The following ZNF726 variants were observed in gnomAD, a reference collection of about 807,000 sequenced individuals.
The protein encoded by ZNF726 is zinc finger protein 92 pseudogene 3.
A neutral mutation model predicts 11.6 loss-of-function variants in ZNF726; 15 were observed. The ratio of observed to expected loss-of-function variants is 1.29; its 90% CI spans 0.86 to 1.99. The LOEUF (loss-of-function observed/expected upper bound fraction) is 1.99, where lower values mean the gene tolerates loss of function less well. Ranked by LOEUF, ZNF726 falls within the 30% of genes most tolerant of loss-of-function variation. ZNF726 has a pLI of 0.00. For missense variants in ZNF726, 890 were observed against 725.6 expected (o/e 1.23, Z -2.60); for synonymous variants, 295 against 243.6 (o/e 1.21, Z -1.96).
chr19:23,914,966 C>A lies in ZNF726; in HGVS notation c.-29C>A. ...CTTTTAGGGGCGCAGCCTCTGTGGC[C>A]CTGTGACCTGCCCCCTGGAAGCCTA... On this transcript the variant is annotated 5_prime_UTR_variant, in exon 1 of 4. Transcript: ENST00000594466. The A allele has an allele frequency of 1.9e-6, 3 of 1,613,552 alleles. No homozygotes were observed. The highest frequency in any genetic ancestry group is 2.5e-6 in the Non-Finnish European group (3 of 1,179,990).
intron 1 of ZNF726, 100 bp downstream of exon 1, chr19:23,915,097 T>C (rs1422788423): frequency 3.8e-6 from 6 of 1,570,546 alleles, no homozygotes; most frequent in Non-Finnish European, 5.2e-6. Context: ...GCTGTCAGTT[T>C]TACAATCTGC....
downstream of ZNF726, among the ~76,000 whole-genome samples, chr19:23,937,115 G>T (rs916089590): frequency 2.0e-5 from 3 of 150,450 alleles, no homozygotes; most frequent in Non-Finnish European, 3.0e-5. Flanking sequence ...CTCCCGGCCG[G>T]GGCGGCTGGC....
chr19:23,918,315 C>T (rs371654634), intron 1 of ZNF726, among the ~76,000 whole-genome samples: 4 of 152,130 alleles, frequency 2.6e-5, no homozygotes, highest in African/African-American at 7.2e-5. Flanking sequence ...AACATCTATG[C>T]ATTACACGAT....
In ZNF726 at chr19:23,930,030, G is replaced by A. The variant is rs559922691; in HGVS notation, c.227-2313G>A. 7.9e-5 allele frequency among the ~76,000 whole-genome samples: 12 copies of A among 152,296 alleles called. No homozygotes were observed. In the East Asian group the frequency reaches 2.1e-3, roughly 27 times the overall value. ...GCTGACCTGAAACTCCTGGCCTCTA[G>A]TGTTCTGATAGCCTTGGCCTCCTAA... On this transcript the variant is annotated intron_variant, in intron 3 of 3. Coordinates refer to ENST00000594466, the MANE Select transcript of ZNF726 (RefSeq NM_001244038.2).
chr19:23,933,177 G>A lies in ZNF726; in HGVS notation c.1061G>A (p.Gly354Glu). 1 of 1,592,354 alleles carries A rather than the reference G, an allele frequency of 6.3e-7. No homozygotes were observed. Among genetic ancestry groups the A allele is most frequent in the Non-Finnish European group, 8.5e-7 (1 of 1,170,956 alleles). Residue 354 changes from glycine to glutamate, a missense_variant, in exon 4 of 4, where the codon GGA (glycine) becomes GAA (glutamate). Physicochemically the swap from Gly to Glu is moderately conservative, Grantham distance 98. Coordinates refer to ENST00000594466, the MANE Select transcript of ZNF726 (RefSeq NM_001244038.2). ...EECAKAFSQF[G>E]HLTTHRIIHT... ...TGTGCCAAAGCTTTTAGCCAATTCGGACACCTTACTACACATAGGATAATT... is the reference window on the plus strand; with the variant it reads ...TGTGCCAAAGCTTTTAGCCAATTCGAACACCTTACTACACATAGGATAATT...
At chr19:23,922,468 G>A (rs1378817766) in intron 3 of ZNF726, among the ~76,000 whole-genome samples, 1 of 152,186 alleles carries the variant, frequency 6.6e-6, no homozygotes, top group Admixed American at 6.5e-5. Context: ...CCAGGCCTCT[G>A]GAAGGGCAGG....
At chr19:23,916,787 GTTTTTGGGTCAAGATTTTTTT>G (rs1390563816) in intron 1 of ZNF726, among the ~76,000 whole-genome samples, 2 of 151,200 alleles carry the variant, frequency 1.3e-5, no homozygotes, top group Admixed American at 6.6e-5. Flanking sequence ...ATCTTAGAAT[GTTTTTGGGTCAAGATTTTTTT>G]TTTTTTGGAA....
intron 3 of ZNF726, among the ~76,000 whole-genome samples, chr19:23,941,209 A>G (rs535214897): frequency 1.3e-5 from 2 of 152,222 alleles, no homozygotes; most frequent in South Asian, 2.1e-4. Flanking sequence ...ATTTTGTCAA[A>G]TGGTTTTTCT....
chr19:23,915,138 C>A, intron 1 of ZNF726, 141 bp downstream of exon 1: 1 of 1,286,852 alleles, frequency 7.8e-7, no homozygotes, highest in Non-Finnish European at 1.1e-6. Context: ...CGGCCTCAGT[C>A]CCTTCAGCCT....
downstream of ZNF726, chr19:23,935,674 A>G (rs1293715041): frequency 7.1e-6 from 2 of 280,564 alleles, no homozygotes; most frequent in Non-Finnish European, 1.4e-5. Context: ...ACTTCATTGT[A>G]TGTAAGATCA....
chr19:23,918,865 G>A (rs1967769746), intron 1 of ZNF726, among the ~76,000 whole-genome samples: 1 of 151,930 alleles, frequency 6.6e-6, no homozygotes, highest in East Asian at 1.9e-4. Flanking sequence ...AGTCTTTTGG[G>A]GCCAAAACAT....
chr19:23,918,095 G>C (rs1366784087), intron 1 of ZNF726, among the ~76,000 whole-genome samples: 1 of 152,130 alleles, frequency 6.6e-6, no homozygotes, highest in Non-Finnish European at 1.5e-5. Flanking sequence ...ATCAGTTTCG[G>C]TGGAAGTAGC....
At chr19:23,927,440 A>G (rs1231972522) in intron 3 of ZNF726, among the ~76,000 whole-genome samples, 1 of 152,140 alleles carries the variant, frequency 6.6e-6, no homozygotes, top group African/African-American at 2.4e-5. Flanking sequence ...TGGTCAGACA[A>G]CACAAAGTGT....
rs62114218 is a variant in ZNF726 at position 23,918,422 on chromosome 19, G to T, written c.4-951G>T. Reference sequence around the variant, plus strand: ...CTGCTTATTAGGGTGCTAAAAAAAGGCCACTTAAAATCACTATTAAAAATT... The same window carrying T: ...CTGCTTATTAGGGTGCTAAAAAAAGTCCACTTAAAATCACTATTAAAAATT... On this transcript the variant is annotated intron_variant, in intron 1 of 3. Transcript: ENST00000594466. Among the ~76,000 whole-genome samples, 5 of 152,262 alleles carry T rather than the reference G, an allele frequency of 3.3e-5. No individual in the cohort carries two copies. In the South Asian group the frequency reaches 1.0e-3, roughly 32 times the overall value.
At chr19:23,931,459 A>G (rs1462213668) in intron 3 of ZNF726, among the ~76,000 whole-genome samples, 1 of 149,378 alleles carries the variant, frequency 6.7e-6, no homozygotes, top group African/African-American at 2.5e-5. Context: ...GTATTATTCA[A>G]TTTATTACCA....
chr19:23,942,841 T>G (rs1312832092), intron 3 of ZNF726, among the ~76,000 whole-genome samples: 3 of 152,214 alleles, frequency 2.0e-5, no homozygotes, highest in African/African-American at 7.2e-5. Context: ...CACTTTTGAG[T>G]CCTTATGTTA....
At chr19:23,934,696 G>A (rs749264300), downstream of ZNF726, among the ~76,000 whole-genome samples, 1 of 152,152 alleles carries the variant, frequency 6.6e-6, no homozygotes, top group Non-Finnish European at 1.5e-5. Context: ...GACTCCACTA[G>A]GAGCCATGTG....
intron 4 of ZNF726, chr19:23,943,831 C>A: frequency 3.0e-6 from 1 of 329,908 alleles, no homozygotes; most frequent in Non-Finnish European, 5.5e-6. Flanking sequence ...CTAAACTCCT[C>A]TTTATGGCTT....
At chr19:23,928,507 G>GAGATAGAT (rs941318936) in intron 3 of ZNF726, 3 of 151,772 alleles carry the variant, frequency 2.0e-5, no homozygotes, top group African/African-American at 7.2e-5. Context: ...GATAGATAGA[G>GAGATAGAT]AGATAGATAG....
Sources: allele counts gnomAD v4.1 joint callset (sites outside exome capture counted in the v4.1 genomes callset), GRCh38; gene constraint gnomAD v4.1.1; transcripts MANE v1.5; gene names NCBI Gene and HGNC (gene_info 2026-07-23, HGNC 2026-07-21).